Variants in ARHGEF28 observed in about 807,000 individuals in gnomAD.
ARHGEF28 encodes 190 kDa guanine nucleotide exchange factor.
ARHGEF28 carries 152 observed loss-of-function variants against 206.6 expected under a neutral mutation model. The observed-to-expected ratio is 0.74, with a 90% CI of 0.64 to 0.84. ARHGEF28 has a LOEUF of 0.84. ARHGEF28 is among the 40% of genes least tolerant of loss of function. ARHGEF28 has a pLI of 0.00. For synonymous variants in ARHGEF28, 763 were observed against 776.4 expected (o/e 0.98, Z 0.29); for missense variants, 2,028 against 2,073.2 (o/e 0.98, Z 0.42).
chr5:73,846,617 AGTCT>A, intron 12 of ARHGEF28, 142 bp downstream of exon 12: 1 of 737,464 alleles, frequency 1.4e-6, no homozygotes, highest in East Asian at 2.8e-5. Context: ...TATCTGATTG[AGTCT>A]GTCTTTTTAA....
chr5:73,786,871 C>T (rs186474747), intron 7 of ARHGEF28, among the ~76,000 whole-genome samples: 7 of 152,292 alleles, frequency 4.6e-5, no homozygotes, highest in Admixed American at 3.9e-4. Flanking sequence ...GATACCAGGA[C>T]CCAGCCATTC....
At chr5:73,737,564 T>C (rs1407551309) in intron 2 of ARHGEF28, among the ~76,000 whole-genome samples, 2 of 150,068 alleles carry the variant, frequency 1.3e-5, no homozygotes, top group Non-Finnish European at 3.0e-5. Context: ...CAGGCTGGAG[T>C]GCAATGGTGT....
rs1040753877 is a variant in ARHGEF28 at position 73,909,463 on chromosome 5, C to T, written c.4213C>T (p.Gln1405Ter). The change falls in exon 34 of 36, where the codon CAG becomes TAG. Residue 1405 changes from glutamine (Q) to a stop codon, truncating the protein, a stop_gained. Coordinates refer to ENST00000513042, the MANE Select transcript of ARHGEF28 (RefSeq NM_001177693.2). LOFTEE classifies it high-confidence loss of function. The part of the protein sequence containing the change: ...SHIEIHRLVL[Q>*]QQEGLSLGHS... Reference sequence around the variant, plus strand: ...CATTGAGATCCACAGGCTGGTTCTCCAGCAGCAGGAGGGCCTGTCTCTCGG... The same window carrying T: ...CATTGAGATCCACAGGCTGGTTCTCTAGCAGCAGGAGGGCCTGTCTCTCGG... 6.2e-7 allele frequency: 1 copy of T among 1,612,970 alleles called. No individual in the cohort carries two copies. Among genetic ancestry groups the T allele is most frequent in the Non-Finnish European group, 8.5e-7 (1 of 1,179,618 alleles).
chr5:73,629,719 TGAGA>T (rs1324506993), intron 1 of ARHGEF28, among the ~76,000 whole-genome samples: 2 of 152,206 alleles, frequency 1.3e-5, no homozygotes, highest in African/African-American at 2.4e-5. Flanking sequence ...CATTTTTTAA[TGAGA>T]GAAAGTAAAA....
At position 73,832,645 on chromosome 5, in the gene ARHGEF28, C is replaced by A. The variant is rs572254592; in HGVS notation, c.1146+186C>A. Among the ~76,000 whole-genome samples, 2 of 152,306 alleles carry A rather than the reference C, an allele frequency of 1.3e-5. 1 individual carries two copies. The highest frequency in any genetic ancestry group is 4.1e-4 in the South Asian group (2 of 4,826). On this transcript the variant is annotated intron_variant, in intron 10 of 35. Transcript: ENST00000513042. ...TAACTTAGGTGCTTACTTCAGAACA[C>A]AAGACACCTTACTCAACCCAGAGGC...
At chr5:73,674,471 G>C (rs1459280760) in intron 1 of ARHGEF28, among the ~76,000 whole-genome samples, 1 of 152,300 alleles carries the variant, frequency 6.6e-6, no homozygotes, top group East Asian at 1.9e-4. Flanking sequence ...AGGAACATGC[G>C]AGGTCCCCTT....
intron 2 of ARHGEF28, among the ~76,000 whole-genome samples, chr5:73,705,852 C>T (rs534680050): frequency 6.6e-6 from 1 of 152,320 alleles, no homozygotes; most frequent in South Asian, 2.1e-4. Flanking sequence ...AGAAATGACC[C>T]TGGCAGTGAA....
intron 1 of ARHGEF28, among the ~76,000 whole-genome samples, chr5:73,675,506 G>A (rs573995914): frequency 5.9e-5 from 9 of 152,206 alleles, no homozygotes; most frequent in African/African-American, 2.2e-4. Context: ...GCCCAGGCAG[G>A]CGGATCACAA....
rs1319196043 is a variant in ARHGEF28 at position 73,671,711 on chromosome 5, T to C, written c.-11-13130T>C. On this transcript the variant is annotated intron_variant, in intron 1 of 35. Coordinates refer to ENST00000513042, the MANE Select transcript of ARHGEF28 (RefSeq NM_001177693.2). ...GAACTTGATTATATATATATATATA[T>C]ATATATATATATATATATATATATA... Among the ~76,000 whole-genome samples the C allele has an allele frequency of 7.3e-3, 101 of 13,840 alleles. 3 individuals carry two copies. The East Asian group carries it at 0.17, about 23-fold the overall frequency. The allele number at this position is 13,840 out of a possible 152,430, so 9.1% of individuals were successfully genotyped here.
At chr5:73,867,800 T>G (rs1759803191) in intron 18 of ARHGEF28, 76 bp from the exon 19 acceptor site, 1 of 1,588,442 alleles carries the variant, frequency 6.3e-7, no homozygotes, top group Non-Finnish European at 8.6e-7. Context: ...GGTTTAGCTT[T>G]CTGGCTTTTA....
chr5:73,851,813 G>T (rs1224724099), intron 13 of ARHGEF28, among the ~76,000 whole-genome samples: 1 of 152,132 alleles, frequency 6.6e-6, no homozygotes. Flanking sequence ...TTACATACAA[G>T]ATAGTATTAG....
At chr5:73,920,509 A>G (rs974813673) in intron 35 of ARHGEF28, among the ~76,000 whole-genome samples, 5 of 148,074 alleles carry the variant, frequency 3.4e-5, no homozygotes, top group African/African-American at 1.2e-4. Flanking sequence ...TACATGTGCC[A>G]TGGTAATTTG....
chr5:73,906,913 A>G (rs1762588098), intron 33 of ARHGEF28, among the ~76,000 whole-genome samples: 1 of 152,102 alleles, frequency 6.6e-6, no homozygotes, highest in African/African-American at 2.4e-5. Context: ...TTTTCCATTG[A>G]TATTTTGAAG....
rs1175812185 is a variant in ARHGEF28 at position 73,846,255 on chromosome 5, CT to C, written c.1428-10del. The C allele has an allele frequency of 6.2e-6, 10 of 1,611,470 alleles. No homozygotes were observed. The highest frequency in any genetic ancestry group is 8.5e-6 in the Non-Finnish European group (10 of 1,178,988). ...CCTTGCTTCTTTACTTACTTGCTGG[CT>C]TTGTGCTTTAGTTCTAGCCTTGATG... On this transcript the variant is annotated splice_polypyrimidine_tract_variant and intron_variant, in intron 11 of 35. Coordinates refer to ENST00000513042, the MANE Select transcript of ARHGEF28 (RefSeq NM_001177693.2).
intron 2 of ARHGEF28, among the ~76,000 whole-genome samples, chr5:73,729,365 T>A (rs550764480): frequency 6.6e-6 from 1 of 152,296 alleles, no homozygotes; most frequent in South Asian, 2.1e-4. Flanking sequence ...CCATGTATAG[T>A]GCTGATTTTA....
intron 1 of ARHGEF28, among the ~76,000 whole-genome samples, chr5:73,671,694 TTA>T (rs1182569252): frequency 2.6e-3 from 199 of 76,026 alleles, no homozygotes; most frequent in East Asian, 4.1e-3. Flanking sequence ...TTGAACTTGA[TTA>T]TATATATATA....
chr5:73,858,047 A>G, intron 15 of ARHGEF28, 40 bp from the exon 16 acceptor site: 1 of 1,562,228 alleles, frequency 6.4e-7, no homozygotes, highest in East Asian at 2.2e-5. Flanking sequence ...TCCTTTTCTC[A>G]TTTTTCCCCA....
intron 33 of ARHGEF28, chr5:73,908,313 T>C (rs1762659822): frequency 6.6e-6 from 1 of 152,192 alleles, no homozygotes; most frequent in Middle Eastern, 3.2e-3. Context: ...ACTGCTGAGC[T>C]GACAAAGAAC....
chr5:73,805,611 C>T (rs1000793723), intron 9 of ARHGEF28, among the ~76,000 whole-genome samples: 8 of 152,162 alleles, frequency 5.3e-5, no homozygotes, highest in African/African-American at 9.7e-5. Flanking sequence ...GTAGCTGCCA[C>T]GTTTCTCCCT....
Sources: gnomAD v4.1 joint callset for allele counts (sites outside exome capture counted in the v4.1 genomes callset) on GRCh38, gnomAD v4.1.1 for gene constraint, MANE v1.5 for transcripts, NCBI Gene and HGNC (gene_info 2026-07-23, HGNC 2026-07-21) for gene names.